Variants in BRINP3 observed in about 807,000 individuals in gnomAD.
BRINP3 encodes the protein BMP/retinoic acid inducible neural specific 3.
Under a neutral mutation model 71.0 loss-of-function variants are expected in BRINP3, and 19 were observed. The ratio of observed to expected loss-of-function variants is 0.27; its 90% CI spans 0.19 to 0.39. The LOEUF is 0.39. Ranked by LOEUF, BRINP3 falls within the 10% of genes least tolerant of loss-of-function variation. The pLI is 1.00. For synonymous variants in BRINP3, 380 were observed against 337.7 expected (o/e 1.13, Z -1.37); for missense variants, 959 against 940.8 (o/e 1.02, Z -0.25).
chr1:190,276,424 C>T (rs982050664), intron 3 of BRINP3, among the ~76,000 whole-genome samples: 4 of 151,596 alleles, frequency 2.6e-5, no homozygotes, highest in Non-Finnish European at 4.4e-5. Context: ...TGAGAATTGA[C>T]TATTTCTGAA....
intron 2 of BRINP3, among the ~76,000 whole-genome samples, chr1:190,284,806 C>T (rs1227689262): frequency 1.3e-5 from 2 of 151,932 alleles, no homozygotes; most frequent in African/African-American, 4.8e-5. Context: ...TATCACCAAA[C>T]TAAAACTAAT....
chr1:190,446,883 G>T, intron 2 of BRINP3, among the ~76,000 whole-genome samples: 1 of 151,990 alleles, frequency 6.6e-6, no homozygotes, highest in Non-Finnish European at 1.5e-5. Context: ...ATATCCAAAT[G>T]CAAAGCCAGT....
At chr1:190,390,953 A>G (rs901267562) in intron 2 of BRINP3, among the ~76,000 whole-genome samples, 2 of 151,826 alleles carry the variant, frequency 1.3e-5, no homozygotes, top group Non-Finnish European at 2.9e-5. Flanking sequence ...AAGAGAAAAT[A>G]AATGTAATCC....
rs1219128377 is a variant in BRINP3, at chr1:190,369,437, C to G, written c.236+85218G>C. On this transcript the variant is annotated intron_variant, in intron 2 of 7. Coordinates refer to ENST00000367462, the MANE Select transcript of BRINP3 (RefSeq NM_199051.3). Reference sequence around the variant, plus strand: ...AATTAAAGGAGGTAATCAGGTTGTACAATTCAAATAATTATTTGAATTAAA... The same window carrying G: ...AATTAAAGGAGGTAATCAGGTTGTAGAATTCAAATAATTATTTGAATTAAA... 2.6e-5 allele frequency among the ~76,000 whole-genome samples: 4 copies of G among 151,832 alleles called. No individual in the cohort carries two copies. In the East Asian group the frequency reaches 7.7e-4, roughly 29 times the overall value.
chr1:190,241,217 A>C (rs1659060540), intron 4 of BRINP3, among the ~76,000 whole-genome samples: 1 of 152,072 alleles, frequency 6.6e-6, no homozygotes, highest in African/African-American at 2.4e-5. Flanking sequence ...AATATATCTA[A>C]ATTTTTTAAG....
At chr1:190,434,953 C>T (rs16832327) in intron 2 of BRINP3, among the ~76,000 whole-genome samples, 2,704 of 152,166 alleles carry the variant, frequency 0.018, 94 homozygotes, top group African/African-American at 0.062. Context: ...GATTTGGTGA[C>T]TTAACAGTAT....
rs934829710 is a variant in BRINP3 at position 190,394,926 on chromosome 1, G to A, written c.236+59729C>T. Among the ~76,000 whole-genome samples, 6 of 151,650 alleles carry A rather than the reference G, an allele frequency of 4.0e-5. No homozygotes were observed. In the South Asian group the frequency reaches 1.2e-3, roughly 31 times the overall value. On this transcript the variant is annotated intron_variant, in intron 2 of 7. Coordinates refer to ENST00000367462, the MANE Select transcript of BRINP3 (RefSeq NM_199051.3). The stretch of plus-strand genomic sequence containing the variant: ...ATGCATGTGGAATTGCACCATTTCG[G>A]AGGTATTTTTATAGTGTGAAGAGAA...
chr1:190,325,155 T>C (rs1666497715), intron 2 of BRINP3, among the ~76,000 whole-genome samples: 1 of 151,922 alleles, frequency 6.6e-6, no homozygotes, highest in African/African-American at 2.4e-5. Flanking sequence ...TCATATAAAA[T>C]GCTGAAGGGA....
intron 1 of BRINP3, among the ~76,000 whole-genome samples, chr1:190,457,384 C>T (rs1201140089): frequency 3.3e-5 from 5 of 151,990 alleles, no homozygotes; most frequent in Non-Finnish European, 7.4e-5. Context: ...ACAGGGGTTG[C>T]GGTGAGCTTA....
chr1:190,475,147 A>G (rs1677419381), intron 1 of BRINP3, among the ~76,000 whole-genome samples: 1 of 152,154 alleles, frequency 6.6e-6, no homozygotes, highest in South Asian at 2.1e-4. Flanking sequence ...CGTCAGCAAT[A>G]ATACTTTAAC....
chr1:190,225,209 T>C (rs191171672), intron 6 of BRINP3, among the ~76,000 whole-genome samples: 3 of 151,944 alleles, frequency 2.0e-5, no homozygotes, highest in Non-Finnish European at 4.4e-5. Flanking sequence ...AATAACCAAA[T>C]ACGGATTCAA....
intron 2 of BRINP3, among the ~76,000 whole-genome samples, chr1:190,347,807 T>C (rs530730610): frequency 1.3e-5 from 2 of 152,266 alleles, no homozygotes; most frequent in African/African-American, 4.8e-5. Context: ...TTATTTCTTT[T>C]CTGTTACTTA....
chr1:190,450,922 C>CAGA (rs1395823433), intron 2 of BRINP3, among the ~76,000 whole-genome samples: 2 of 151,950 alleles, frequency 1.3e-5, no homozygotes, highest in Non-Finnish European at 2.9e-5. Context: ...CTTTTTAGAC[C>CAGA]ATCTTGTCTT....
intron 6 of BRINP3, among the ~76,000 whole-genome samples, chr1:190,218,459 T>C (rs1399703174): frequency 6.6e-6 from 1 of 152,076 alleles, no homozygotes; most frequent in Non-Finnish European, 1.5e-5. Context: ...ATTTGAAGAA[T>C]TATAATTGTA....
chr1:190,349,817 T>G (rs1668256286), intron 2 of BRINP3, among the ~76,000 whole-genome samples: 1 of 152,206 alleles, frequency 6.6e-6, no homozygotes, highest in South Asian at 2.1e-4. Flanking sequence ...AAAGGGATAA[T>G]AGAGGAAGAA....
At chr1:190,138,128 A>G (rs1655128038) in intron 7 of BRINP3, among the ~76,000 whole-genome samples, 1 of 151,948 alleles carries the variant, frequency 6.6e-6, no homozygotes. Flanking sequence ...CTAATTTTGT[A>G]TTTTTAGTAA....
Position 190,454,880 on chromosome 1 carries a change from C to T in BRINP3, c.11G>A (p.Arg4Gln), listed in dbSNP as rs367647063. The T allele has an allele frequency of 1.2e-5, 20 of 1,613,674 alleles. No individual in the cohort carries two copies. Among genetic ancestry groups the T allele is most frequent in the African/African-American group, 8.0e-5 (6 of 74,928 alleles). Residue 4 changes from arginine (R) to glutamine (Q), a missense_variant, in exon 2 of 8, where the codon CGA becomes CAA. Arg to Gln is a conservative substitution (Grantham distance 43, BLOSUM62 1). Transcript: ENST00000367462. ...GAACAATTCAGCACCAGCTCTGCTTCGCCATATCATGCTTCCACTGGGGAT... is the reference window on the plus strand; with the variant it reads ...GAACAATTCAGCACCAGCTCTGCTTTGCCATATCATGCTTCCACTGGGGAT... Reference protein sequence around the residue: MIWRSRAGAELFSL... With the variant: MIWQSRAGAELFSL...
rs200575097 is a variant in BRINP3, at chr1:190,264,956, G to A, written c.527C>T (p.Thr176Met). 882 of 1,612,970 alleles carry A rather than the reference G, an allele frequency of 5.5e-4. 1 individual carries two copies. Among genetic ancestry groups the A allele is most frequent in the Admixed American group, 8.4e-4 (50 of 59,800 alleles). ...ATAAGAAGCGGCTAGCTGATGTAGC[G>A]TCTCCAGAGTGACCGAAGAGCTATT... ...TTNSSSVTLE[T>M]LHQLAASYFI... The change falls in exon 4 of 8, where the codon ACG (threonine) becomes ATG (methionine). Residue 176 changes from threonine (T) to methionine (M), a missense_variant. By Grantham distance (81) the Thr-to-Met change is moderately conservative. Transcript: ENST00000367462.
Position 190,416,859 on chromosome 1 carries a change from T to A in BRINP3, c.236+37796A>T, listed in dbSNP as rs965324136. Among the ~76,000 whole-genome samples, 10 of 152,278 alleles carry A rather than the reference T, an allele frequency of 6.6e-5. 1 individual carries two copies. Among genetic ancestry groups the A allele is most frequent in the Admixed American group, 5.9e-4 (9 of 15,280 alleles). ...AGTCTTTAGCTGCAGTGATAACCTG[T>A]GCCTGTTAACAGGAAATACCTCAGT... On this transcript the variant is annotated intron_variant, in intron 2 of 7. Coordinates refer to ENST00000367462, the MANE Select transcript of BRINP3 (RefSeq NM_199051.3).
Sources: gnomAD v4.1 joint callset for allele counts (sites outside exome capture counted in the v4.1 genomes callset) on GRCh38, gnomAD v4.1.1 for gene constraint, MANE v1.5 for transcripts, NCBI Gene and HGNC (gene_info 2026-07-23, HGNC 2026-07-21) for gene names.